FAM234B: variants seen among roughly 807,000 people sequenced by gnomAD.
The protein encoded by FAM234B is protein FAM234B.
A neutral mutation model predicts 69.3 loss-of-function variants in FAM234B; 33 were observed. That is an observed-to-expected ratio of 0.48 (90% CI 0.36 to 0.64). The LOEUF is 0.64. Ranked by LOEUF, FAM234B falls within the 30% of genes least tolerant of loss-of-function variation. The pLI is 0.00. For synonymous variants in FAM234B, 306 were observed against 306.9 expected (o/e 1.00, Z 0.03); for missense variants, 697 against 769.7 (o/e 0.91, Z 1.12).
In FAM234B at chr12:13,066,575, GA is replaced by G; in HGVS notation, c.853-63del. On this transcript the variant is annotated intron_variant, in intron 5 of 12. Coordinates refer to ENST00000197268, the MANE Select transcript of FAM234B (RefSeq NM_020853.2). Reference sequence around the variant, plus strand: ...TATGAGGAGGCAGTGACTGTCTGGAGAAGCCATTTCATTAGCAAACGATAGG... The same window carrying G: ...TATGAGGAGGCAGTGACTGTCTGGAGAGCCATTTCATTAGCAAACGATAGG... The G allele has an allele frequency of 2.6e-6, 4 of 1,510,916 alleles. No individual in the cohort carries two copies. The South Asian group carries it at 5.4e-5, about 20-fold the overall frequency. 93.6% of individuals were successfully genotyped at this position (1,510,916 alleles called of 1,614,324 possible). A position where few individuals can be genotyped will look rare whatever the true frequency, so the allele number is the denominator to read the frequency against.
intron 1 of FAM234B, among the ~76,000 whole-genome samples, chr12:13,048,875 G>A (rs768334196): frequency 5.9e-5 from 9 of 152,172 alleles, no homozygotes; most frequent in Non-Finnish European, 8.8e-5. Context: ...ACATGGTGGC[G>A]GCAAGAGAGA....
chr12:13,064,571 C>T (rs1284465324), intron 5 of FAM234B, among the ~76,000 whole-genome samples: 1 of 152,130 alleles, frequency 6.6e-6, no homozygotes, highest in Non-Finnish European at 1.5e-5. Flanking sequence ...ACTCTGTGCC[C>T]TTTGTGTTGG....
In FAM234B at chr12:13,081,560, C is replaced by T. The variant is rs545428202; in HGVS notation, c.*930C>T. On this transcript the variant is annotated 3_prime_UTR_variant, in exon 13 of 13. Transcript: ENST00000197268. ...TCTCTGCATCTTTTTCTATAGGGCA[C>T]CCTCCTTAGCTCCCCTCACTCTGTT... 1 of 152,184 alleles carries T rather than the reference C, an allele frequency of 6.6e-6. No individual in the cohort carries two copies. Among genetic ancestry groups the T allele is most frequent in the Non-Finnish European group, 1.5e-5 (1 of 68,056 alleles). The allele number at this position is 152,184 out of a possible 1,614,324, so 9.4% of individuals were successfully genotyped here.
chr12:13,061,733 A>G lies in FAM234B; in HGVS notation c.691A>G (p.Lys231Glu). The G allele has an allele frequency of 6.2e-7, 1 of 1,614,148 alleles. No homozygotes were observed. The highest frequency in any genetic ancestry group is 8.5e-7 in the Non-Finnish European group (1 of 1,180,008). ...ETICLVTGTH[K>E]MLSAFNATSG... The stretch of plus-strand genomic sequence containing the variant: ...CATCTGCCTTGTGACAGGGACACAC[A>G]AGATGCTCAGCGCATTCAATGCAAC... Residue 231 changes from lysine to glutamate, a missense_variant, in exon 4 of 13, where the codon AAG becomes GAG. Physicochemically the swap from Lys to Glu is moderately conservative, Grantham distance 56. Coordinates refer to ENST00000197268, the MANE Select transcript of FAM234B (RefSeq NM_020853.2).
At chr12:13,058,654 A>G (rs1864956606) in intron 3 of FAM234B, 105 bp downstream of exon 3, 1 of 900,840 alleles carries the variant, frequency 1.1e-6, no homozygotes, top group African/African-American at 1.6e-5. Flanking sequence ...TCTGCAGTGA[A>G]CAGAAAGTTA....
intron 10 of FAM234B, among the ~76,000 whole-genome samples, chr12:13,075,137 GC>G (rs1454991531): frequency 3.9e-5 from 6 of 152,298 alleles, no homozygotes; most frequent in Admixed American, 6.5e-5. Flanking sequence ...TGACACTCAG[GC>G]CTTGGAACTT....
At chr12:13,066,823 A>T in intron 6 of FAM234B, 36 bp downstream of exon 6, 1 of 1,597,094 alleles carries the variant, frequency 6.3e-7, no homozygotes, top group Non-Finnish European at 8.5e-7. Context: ...CCTGTTCCCC[A>T]CTGGCATTTG....
intron 3 of FAM234B, among the ~76,000 whole-genome samples, chr12:13,060,683 A>G (rs562701836): frequency 1.3e-5 from 2 of 152,350 alleles, no homozygotes; most frequent in South Asian, 4.1e-4. Context: ...GCTGAGGAAT[A>G]GGTAGAAGGA....
intron 3 of FAM234B, among the ~76,000 whole-genome samples, chr12:13,059,959 T>C (rs1176073279): frequency 2.0e-5 from 3 of 152,268 alleles, no homozygotes; most frequent in African/African-American, 7.2e-5. Context: ...CCAGGCTGAT[T>C]TGGCCACAGA....
intron 4 of FAM234B, 119 bp downstream of exon 4, chr12:13,061,882 C>A: frequency 1.3e-6 from 1 of 789,416 alleles, no homozygotes; most frequent in Non-Finnish European, 2.0e-6. Context: ...ATTTACTGAT[C>A]TGGAATATGG....
At chr12:13,071,484 C>T in intron 10 of FAM234B, 88 bp downstream of exon 10, 1 of 1,257,238 alleles carries the variant, frequency 8.0e-7, no homozygotes, top group Non-Finnish European at 1.1e-6. Flanking sequence ...TGTTATTTGA[C>T]CCATCACTTT....
chr12:13,063,220 C>T (rs1193382339), intron 5 of FAM234B, among the ~76,000 whole-genome samples: 3 of 152,090 alleles, frequency 2.0e-5, no homozygotes, highest in African/African-American at 4.8e-5. Context: ...GGTCTGTATG[C>T]GAATTCCACC....
chr12:13,062,308 C>T lies in FAM234B; in HGVS notation c.722-537C>T, dbSNP rs182199721. The stretch of plus-strand genomic sequence containing the variant: ...TTAGTACTGCTGGGCCGTGTGCTCA[C>T]GTGGAGCGGAATAAATAACATCCTT... On this transcript the variant is annotated intron_variant, in intron 4 of 12. Transcript: ENST00000197268. 2.4e-4 allele frequency: 38 copies of T among 155,736 alleles called. No homozygotes were observed. In the East Asian group the frequency reaches 5.5e-3, roughly 22 times the overall value. The allele number at this position is 155,736 out of a possible 1,614,324, so 9.6% of individuals were successfully genotyped here.
intron 1 of FAM234B, among the ~76,000 whole-genome samples, chr12:13,045,626 A>AT (rs1002450351): frequency 1.3e-5 from 2 of 151,822 alleles, no homozygotes; most frequent in African/African-American, 2.4e-5. Context: ...ACAGATTATT[A>AT]TTTTTTTTAA....
rs1591604864 is a variant in FAM234B, at chr12:13,080,793, G to A, written c.*163G>A. On this transcript the variant is annotated 3_prime_UTR_variant, in exon 13 of 13. Coordinates refer to ENST00000197268, the MANE Select transcript of FAM234B (RefSeq NM_020853.2). ...GGGAAGGCATGTTGGAGTCTTTGAC[G>A]GCAGCATGATCTATTTGGCTGGGGC... The A allele has an allele frequency of 3.5e-6, 2 of 567,318 alleles. No individual in the cohort carries two copies. Among genetic ancestry groups the A allele is most frequent in the Non-Finnish European group, 6.2e-6 (2 of 324,888 alleles). 35.1% of individuals were successfully genotyped at this position (567,318 alleles called of 1,614,324 possible).
At chr12:13,062,542 G>A (rs1049740110) in intron 4 of FAM234B, 3 of 240,330 alleles carry the variant, frequency 1.2e-5, no homozygotes, top group Non-Finnish European at 2.4e-5. Context: ...CTAACAGACA[G>A]TTCCCTCACC....
chr12:13,056,809 A>G (rs1336818357), intron 2 of FAM234B, among the ~76,000 whole-genome samples: 1 of 152,136 alleles, frequency 6.6e-6, no homozygotes, highest in Non-Finnish European at 1.5e-5. Flanking sequence ...CCTCCTGACC[A>G]CATCCTCCTC....
chr12:13,047,844 A>G (rs1048205763), intron 1 of FAM234B, among the ~76,000 whole-genome samples: 1 of 151,974 alleles, frequency 6.6e-6, no homozygotes, highest in African/African-American at 2.4e-5. Context: ...AAGTTGGTGG[A>G]CTTCTTTTAA....
Position 13,068,345 on chromosome 12 carries a change from C to T in FAM234B, c.1184C>T (p.Ser395Phe). ...CTCCAGATGGTGAAGGCACCAGATTCCAACTGCAGCAACCTTCTGATTACA... is the reference window on the plus strand; with the variant it reads ...CTCCAGATGGTGAAGGCACCAGATTTCAACTGCAGCAACCTTCTGATTACA... ...ELLQMVKAPD[S>F]NCSNLLITTR... The change falls in exon 8 of 13, where the codon TCC (serine) becomes TTC (phenylalanine). Residue 395 changes from serine to phenylalanine, a missense_variant. Around this residue, in one of 3 missense-constraint regions of FAM234B, gnomAD observed 313 missense variants for 305.5 expected, o/e 1.02. Transcript: ENST00000197268. 1 of 1,614,186 alleles carries T rather than the reference C, an allele frequency of 6.2e-7. No homozygotes were observed. The highest frequency in any genetic ancestry group is 1.1e-5 in the South Asian group (1 of 91,080).
Sources: gnomAD v4.1 joint callset for allele counts (sites outside exome capture counted in the v4.1 genomes callset) on GRCh38, gnomAD v4.1.1 for gene constraint, gnomAD v4.1.1 regional missense constraint, MANE v1.5 for transcripts, NCBI Gene and HGNC (gene_info 2026-07-23, HGNC 2026-07-21) for gene names.